GFRA1: variants seen among roughly 807,000 people sequenced by gnomAD.
GFRA1 encodes the protein GDNF family receptor alpha-1.
GFRA1 carries 16 observed loss-of-function variants against 51.6 expected under a neutral mutation model. The ratio of observed to expected loss-of-function variants is 0.31; its 90% CI spans 0.21 to 0.47. The LOEUF (loss-of-function observed/expected upper bound fraction) is 0.47. Ranked by LOEUF, GFRA1 falls within the 20% of genes least tolerant of loss-of-function variation. GFRA1 has a pLI of 1.00. For synonymous variants in GFRA1, 270 were observed against 241.3 expected, an observed-to-expected ratio of 1.12 and a Z score of -1.10; for missense variants, 530 against 594.3, an observed-to-expected ratio of 0.89 and a Z score of 1.13.
chr10:116,078,815 C>T (rs1389003601), intron 9 of GFRA1, among the ~76,000 whole-genome samples: 1 of 152,100 alleles, frequency 6.6e-6, no homozygotes, highest in Admixed American at 6.5e-5. Flanking sequence ...AGCCCCAAGA[C>T]CATTCTCTTA....
rs1417525781 is a variant in GFRA1 at position 116,063,857 on chromosome 10, C to T, written c.*541G>A. On this transcript the variant is annotated 3_prime_UTR_variant, in exon 11 of 11. Transcript: ENST00000355422. ...ACATATATAAAGGTGAACATCAGTA[C>T]CAGCTGTTTCCACAAAGCCCACTCT... The T allele has an allele frequency of 1.8e-5, 3 of 168,788 alleles. No individual in the cohort carries two copies. The highest frequency in any genetic ancestry group is 7.2e-5 in the African/African-American group (3 of 41,610). The allele number at this position is 168,788 out of a possible 1,614,324, so 10.5% of individuals were successfully genotyped here. A position where few individuals can be genotyped will look rare whatever the true frequency, so the allele number is the denominator to read the frequency against.
At chr10:116,076,024 G>A (rs745814367) in intron 9 of GFRA1, among the ~76,000 whole-genome samples, 23 of 151,920 alleles carry the variant, frequency 1.5e-4, no homozygotes, top group Non-Finnish European at 8.8e-5. Context: ...GATTACAGGC[G>A]TGACCACCGT....
chr10:116,224,915 A>G (rs1010134603), intron 4 of GFRA1, among the ~76,000 whole-genome samples: 12 of 152,196 alleles, frequency 7.9e-5, no homozygotes, highest in South Asian at 2.1e-4. Flanking sequence ...AGGCAAGTCA[A>G]TCTCACAAAT....
intron 5 of GFRA1, among the ~76,000 whole-genome samples, chr10:116,163,602 C>T (rs7069668): frequency 0.23 from 35,575 of 152,144 alleles, 4,278 homozygotes; most frequent in African/African-American, 0.26. Context: ...ACCATCCCCG[C>T]GGGCTGTGCT....
In GFRA1 at chr10:116,158,960, G is replaced by A. The variant is rs572591495; in HGVS notation, c.434-33403C>T. On this transcript the variant is annotated intron_variant, in intron 5 of 10. Transcript: ENST00000355422. ...ACTGGACCCCTGGTTCTCACCAAAC[G>A]CATGGGCATCCCATCCTCCGCAGCA... Among the ~76,000 whole-genome samples the A allele has an allele frequency of 5.3e-5, 8 of 152,292 alleles. No individual in the cohort carries two copies. In the South Asian group the frequency reaches 1.5e-3, roughly 28 times the overall value.
At chr10:116,182,621 G>T (rs1962344390) in intron 5 of GFRA1, among the ~76,000 whole-genome samples, 1 of 152,212 alleles carries the variant, frequency 6.6e-6, no homozygotes, top group African/African-American at 2.4e-5. Context: ...CCAAAAAGCA[G>T]CTCAGTGACA....
chr10:116,109,451 CAT>C (rs1957117872), intron 6 of GFRA1, among the ~76,000 whole-genome samples: 1 of 152,130 alleles, frequency 6.6e-6, no homozygotes, highest in South Asian at 2.1e-4. Flanking sequence ...AGCTTAAAAA[CAT>C]AAAAAAAATA....
intron 4 of GFRA1, among the ~76,000 whole-genome samples, chr10:116,231,434 G>T (rs1315559131): frequency 6.6e-6 from 1 of 152,112 alleles, no homozygotes; most frequent in African/African-American, 2.4e-5. Flanking sequence ...TTATACACAA[G>T]ACAGAAAAAT....
chr10:116,065,932 A>C (rs527582707), intron 9 of GFRA1, among the ~76,000 whole-genome samples: 66 of 152,318 alleles, frequency 4.3e-4, no homozygotes, highest in African/African-American at 1.5e-3. Context: ...TTGGCATGGA[A>C]CATCTCAATT....
chr10:116,093,118 G>A (rs1956422695), intron 8 of GFRA1, among the ~76,000 whole-genome samples: 1 of 152,144 alleles, frequency 6.6e-6, no homozygotes, highest in South Asian at 2.1e-4. Context: ...CGCCTCCAGA[G>A]ATAACGGGCA....
chr10:116,091,637 G>C (rs1456972594), intron 8 of GFRA1, among the ~76,000 whole-genome samples: 1 of 152,204 alleles, frequency 6.6e-6, no homozygotes, highest in Non-Finnish European at 1.5e-5. Context: ...CAATTGGCTA[G>C]AGTTGTGTTC....
At chr10:116,256,188 A>C (rs977556868) in intron 4 of GFRA1, among the ~76,000 whole-genome samples, 25 of 152,148 alleles carry the variant, frequency 1.6e-4, no homozygotes, top group African/African-American at 5.6e-4. Flanking sequence ...GTAACTATTT[A>C]CCTGTGGTCT....
intron 4 of GFRA1, among the ~76,000 whole-genome samples, chr10:116,262,144 G>C (rs1367623596): frequency 6.6e-6 from 1 of 152,138 alleles, no homozygotes. Context: ...GAAGGAATGA[G>C]GACAGACATA....
intron 4 of GFRA1, among the ~76,000 whole-genome samples, chr10:116,250,768 G>A (rs895509662): frequency 2.0e-5 from 3 of 152,190 alleles, no homozygotes; most frequent in African/African-American, 4.8e-5. Context: ...GTGTCCTCAG[G>A]ACCCCTGGCC....
chr10:116,228,499 T>C (rs1589890376), intron 4 of GFRA1, among the ~76,000 whole-genome samples: 2 of 152,192 alleles, frequency 1.3e-5, no homozygotes, highest in East Asian at 3.9e-4. Context: ...AAATGAGACT[T>C]TGCAGATACG....
chr10:116,205,695 C>T (rs1339853697), intron 5 of GFRA1, among the ~76,000 whole-genome samples: 1 of 151,320 alleles, frequency 6.6e-6, no homozygotes, highest in Admixed American at 6.6e-5. Context: ...AAGTTTCCTT[C>T]TTTCCTGATA....
rs983296290 is a variant in GFRA1, at chr10:116,127,956, T to C, written c.434-2399A>G. Among the ~76,000 whole-genome samples the C allele has an allele frequency of 3.9e-5, 6 of 152,372 alleles. No homozygotes were observed. In the East Asian group the frequency reaches 7.7e-4, roughly 20 times the overall value. Reference sequence around the variant, plus strand: ...ACTTAACATTTGTATTGATGTTGAATGGCACTTTATAATCTCTGGCTAAAA... The same window carrying C: ...ACTTAACATTTGTATTGATGTTGAACGGCACTTTATAATCTCTGGCTAAAA... On this transcript the variant is annotated intron_variant, in intron 5 of 10. Coordinates refer to ENST00000355422, the MANE Select transcript of GFRA1 (RefSeq NM_005264.8).
At chr10:116,220,856 G>T (rs1486970638) in intron 4 of GFRA1, among the ~76,000 whole-genome samples, 1 of 152,096 alleles carries the variant, frequency 6.6e-6, no homozygotes, top group African/African-American at 2.4e-5. Context: ...AAACTATAAT[G>T]AACACTACCA....
At chr10:116,122,168 G>C (rs1252046947) in intron 6 of GFRA1, among the ~76,000 whole-genome samples, 1 of 152,138 alleles carries the variant, frequency 6.6e-6, no homozygotes, top group Non-Finnish European at 1.5e-5. Context: ...AAATTTCACT[G>C]GGTAGGGCCC....
Sources: allele counts gnomAD v4.1 joint callset (sites outside exome capture counted in the v4.1 genomes callset), GRCh38; gene constraint gnomAD v4.1.1; transcripts MANE v1.5; gene names NCBI Gene and HGNC (gene_info 2026-07-23, HGNC 2026-07-21).